Variants in MYO18B observed in about 807,000 individuals in gnomAD.
MYO18B encodes unconventional myosin-XVIIIb.
A neutral mutation model predicts 273.0 loss-of-function variants in MYO18B; 204 were observed. The ratio of observed to expected loss-of-function variants is 0.75; its 90% confidence interval spans 0.67 to 0.84. The LOEUF (loss-of-function observed/expected upper bound fraction) is 0.84, where lower values mean the gene tolerates loss of function less well. Ranked by LOEUF, MYO18B falls within the 40% of genes least tolerant of loss-of-function variation. MYO18B has a pLI of 0.00. For missense variants in MYO18B, 3,212 were observed against 3,287.6 expected (o/e 0.98, Z 0.56); for synonymous variants, 1,330 against 1,305.7 (o/e 1.02, Z -0.40).
intron 27 of MYO18B, among the ~76,000 whole-genome samples, chr22:25,893,301 G>T (rs2091711937): frequency 1.3e-5 from 2 of 152,188 alleles, no homozygotes; most frequent in Admixed American, 1.3e-4. Context: ...ACACTGTGGG[G>T]GTTACAGAGG....
intron 3 of MYO18B, 84 bp from the exon 4 acceptor site, chr22:25,768,031 A>AAATG: frequency 8.1e-7 from 1 of 1,241,512 alleles, no homozygotes; most frequent in Non-Finnish European, 1.1e-6. Context: ...GTGAACAATG[A>AAATG]AATGAATGAA....
intron 12 of MYO18B, among the ~76,000 whole-genome samples, chr22:25,813,873 G>T (rs966503882): frequency 3.9e-5 from 6 of 152,036 alleles, no homozygotes; most frequent in African/African-American, 1.5e-4. Context: ...GCCTTCCCAC[G>T]GCTGCAGACC....
intron 22 of MYO18B, among the ~76,000 whole-genome samples, chr22:25,872,938 T>C (rs1279851940): frequency 6.6e-6 from 1 of 152,180 alleles, no homozygotes; most frequent in Non-Finnish European, 1.5e-5. Flanking sequence ...ATAAGCAGCA[T>C]AAGGGCATCA....
At chr22:25,887,662 G>A (rs1335704059) in intron 25 of MYO18B, among the ~76,000 whole-genome samples, 1 of 152,116 alleles carries the variant, frequency 6.6e-6, no homozygotes, top group East Asian at 1.9e-4. Flanking sequence ...TGAGCATGGT[G>A]CCTGCTCCTC....
At chr22:25,747,586 G>A (rs1418058114) in intron 1 of MYO18B, among the ~76,000 whole-genome samples, 1 of 152,176 alleles carries the variant, frequency 6.6e-6, no homozygotes, top group Non-Finnish European at 1.5e-5. Context: ...ATACAGAGAG[G>A]GGAGAGCCAA....
chr22:25,926,080 C>T (rs1201701693), intron 34 of MYO18B, among the ~76,000 whole-genome samples: 1 of 151,554 alleles, frequency 6.6e-6, no homozygotes, highest in Non-Finnish European at 1.5e-5. Context: ...TGACAGGAGC[C>T]TGTAGTTCCA....
At chr22:25,963,236 G>T (rs1365811179) in intron 39 of MYO18B, among the ~76,000 whole-genome samples, 3 of 151,078 alleles carry the variant, frequency 2.0e-5, no homozygotes, top group Non-Finnish European at 4.4e-5. Context: ...GTTGGGAGGA[G>T]GGTCTGTGTT....
At chr22:25,789,102 C>A (rs62224691) in intron 11 of MYO18B, among the ~76,000 whole-genome samples, 1 of 29,632 alleles carries the variant, frequency 3.4e-5, no homozygotes, top group South Asian at 1.7e-3. Context: ...CTTCTTCTTC[C>A]TCCTCCTCCT....
At chr22:25,976,098 AC>A (rs1166671035) in intron 39 of MYO18B, among the ~76,000 whole-genome samples, 1 of 152,194 alleles carries the variant, frequency 6.6e-6, no homozygotes, top group Non-Finnish European at 1.5e-5. Context: ...TTTGGCTGGC[AC>A]AACTTGGGTG....
intron 34 of MYO18B, among the ~76,000 whole-genome samples, chr22:25,941,556 C>T (rs1037469046): frequency 6.6e-6 from 1 of 152,236 alleles, no homozygotes; most frequent in Non-Finnish European, 1.5e-5. Flanking sequence ...TTCATAAAAA[C>T]ATCAGTCAAA....
At chr22:25,868,597 A>G (rs1378869782) in intron 22 of MYO18B, among the ~76,000 whole-genome samples, 1 of 152,130 alleles carries the variant, frequency 6.6e-6, no homozygotes, top group Non-Finnish European at 1.5e-5. Context: ...GGGAAATATC[A>G]TTTCTTGGAG....
intron 3 of MYO18B, among the ~76,000 whole-genome samples, chr22:25,763,929 T>A (rs1191776144): frequency 1.3e-5 from 2 of 152,234 alleles, no homozygotes; most frequent in Non-Finnish European, 2.9e-5. Flanking sequence ...GAGTTGGTAC[T>A]AACTGGTGTA....
At chr22:25,922,069 A>G (rs917090210) in intron 34 of MYO18B, among the ~76,000 whole-genome samples, 21 of 152,156 alleles carry the variant, frequency 1.4e-4, no homozygotes, top group Admixed American at 1.3e-3. Flanking sequence ...ATCTCTGCAC[A>G]TGGTGCTGCA....
chr22:26,006,310 CTTTTTT>C (rs538097137), intron 42 of MYO18B: 2 of 149,042 alleles, frequency 1.3e-5, no homozygotes, highest in Non-Finnish European at 2.9e-5. Context: ...GATTCCAATT[CTTTTTT>C]TTTTTCATTT....
At chr22:25,751,382 G>A (rs1234853253) in intron 1 of MYO18B, among the ~76,000 whole-genome samples, 3 of 152,180 alleles carry the variant, frequency 2.0e-5, no homozygotes, top group Non-Finnish European at 4.4e-5. Context: ...GTAAATACCA[G>A]TGCCCCCTGC....
At chr22:25,823,457 C>T (rs1569070818) in intron 12 of MYO18B, 48 bp from the exon 13 acceptor site, 2 of 1,587,062 alleles carry the variant, frequency 1.3e-6, no homozygotes, top group Non-Finnish European at 1.7e-6. Flanking sequence ...TTCATTCACC[C>T]CATGCCCAAG....
chr22:25,772,095 G>A (rs1191431696), intron 6 of MYO18B, among the ~76,000 whole-genome samples: 2 of 152,256 alleles, frequency 1.3e-5, no homozygotes, highest in Non-Finnish European at 2.9e-5. Context: ...TGGAGTGCAG[G>A]ACCACAGCGA....
At position 25,895,355 on chromosome 22, in the gene MYO18B, G is replaced by A. The variant is rs578191689; in HGVS notation, c.4668+75G>A. The A allele has an allele frequency of 3.3e-6, 5 of 1,519,974 alleles. No individual in the cohort carries two copies. The African/African-American group carries it at 5.5e-5, about 17-fold the overall frequency. The allele number at this position is 1,519,974 out of a possible 1,614,324, so 94.2% of individuals were successfully genotyped here. On this transcript the variant is annotated intron_variant, in intron 28 of 43. Transcript: ENST00000335473. ...GCTCTCACCTCCACTGTGGGTGATCGAGGTATTAGCTGAGCCTGAAGAGGG... is the reference window on the plus strand; with the variant it reads ...GCTCTCACCTCCACTGTGGGTGATCAAGGTATTAGCTGAGCCTGAAGAGGG...
chr22:25,921,509 A>G, intron 34 of MYO18B, 100 bp downstream of exon 34: 1 of 1,402,742 alleles, frequency 7.1e-7, no homozygotes, highest in Non-Finnish European at 9.6e-7. Flanking sequence ...CCATGGTGCC[A>G]ACCTCCAACT....
Sources: gnomAD v4.1 joint callset for allele counts (sites outside exome capture counted in the v4.1 genomes callset) on GRCh38, gnomAD v4.1.1 for gene constraint, MANE v1.5 for transcripts, NCBI Gene and HGNC (gene_info 2026-07-23, HGNC 2026-07-21) for gene names.